FHIT: variants seen among roughly 807,000 people sequenced by gnomAD.
FHIT encodes bis(5'-adenosyl)-triphosphatase.
FHIT carries 19 observed loss-of-function variants against 17.9 expected under a neutral mutation model. The ratio of observed to expected loss-of-function variants is 1.06; its 90% CI spans 0.74 to 1.56. The LOEUF is 1.56. Ranked by LOEUF, FHIT falls within the 40% of genes most tolerant of loss-of-function variation. The pLI is 0.00. For synonymous variants in FHIT, 81 were observed against 69.7 expected, an observed-to-expected ratio of 1.16 and a Z score of -0.81; for missense variants, 248 against 189.2, an observed-to-expected ratio of 1.31 and a Z score of -1.82.
intron 8 of FHIT, among the ~76,000 whole-genome samples, chr3:59,779,052 T>C (rs982471025): frequency 2.0e-5 from 3 of 152,202 alleles, no homozygotes; most frequent in Non-Finnish European, 4.4e-5. Flanking sequence ...TGGGCACTAC[T>C]GATTACTTGT....
intron 4 of FHIT, among the ~76,000 whole-genome samples, chr3:60,629,988 C>T (rs1278272961): frequency 1.3e-5 from 2 of 152,174 alleles, no homozygotes; most frequent in Admixed American, 1.3e-4. Flanking sequence ...GACCTTGCTC[C>T]TGTTCCTTTG....
intron 5 of FHIT, among the ~76,000 whole-genome samples, chr3:60,421,260 G>C (rs1702455080): frequency 6.6e-6 from 1 of 151,956 alleles, no homozygotes; most frequent in African/African-American, 2.4e-5. Flanking sequence ...TGCCAGGTTT[G>C]GTCTGGTTTC....
chr3:60,220,992 T>C (rs1703934517), intron 5 of FHIT, among the ~76,000 whole-genome samples: 1 of 152,150 alleles, frequency 6.6e-6, no homozygotes, highest in South Asian at 2.1e-4. Flanking sequence ...TCCTGGCGGC[T>C]ATTAAAAGGG....
At chr3:60,573,569 G>C (rs959008480) in intron 4 of FHIT, among the ~76,000 whole-genome samples, 2 of 152,076 alleles carry the variant, frequency 1.3e-5, no homozygotes, top group East Asian at 1.9e-4. Flanking sequence ...CCTGAACTGA[G>C]AACGAACCTG....
At chr3:60,553,873 G>T (rs1377317594) in intron 4 of FHIT, among the ~76,000 whole-genome samples, 2 of 151,968 alleles carry the variant, frequency 1.3e-5, no homozygotes, top group Admixed American at 1.3e-4. Context: ...ATCACTTGAG[G>T]TCAGGAGTTT....
chr3:61,053,305 A>G (rs2034094934), intron 2 of FHIT, among the ~76,000 whole-genome samples: 1 of 152,204 alleles, frequency 6.6e-6, no homozygotes, highest in South Asian at 2.1e-4. Flanking sequence ...CATAAAAAAA[A>G]TGTCCTGGAA....
chr3:60,886,568 A>C (rs1553759328), intron 3 of FHIT, among the ~76,000 whole-genome samples: 1 of 152,198 alleles, frequency 6.6e-6, no homozygotes, highest in African/African-American at 2.4e-5. Context: ...TATGGAAAAA[A>C]TAGAGGGGCA....
intron 8 of FHIT, among the ~76,000 whole-genome samples, chr3:59,769,182 A>G (rs1403355324): frequency 6.6e-6 from 1 of 152,216 alleles, no homozygotes; most frequent in Non-Finnish European, 1.5e-5. Context: ...AAGATCAACA[A>G]GGAAGCTGAC....
chr3:60,093,748 G>T (rs1322144152), intron 5 of FHIT, among the ~76,000 whole-genome samples: 1 of 152,126 alleles, frequency 6.6e-6, no homozygotes, highest in African/African-American at 2.4e-5. Context: ...CTCCTTATGA[G>T]AATTTAATGC....
At chr3:60,031,399 G>T (rs1700994717) in intron 5 of FHIT, among the ~76,000 whole-genome samples, 1 of 152,208 alleles carries the variant, frequency 6.6e-6, no homozygotes, top group African/African-American at 2.4e-5. Context: ...GTCATTCTAG[G>T]AAGGAGGAAA....
At chr3:61,100,422 G>A (rs985106657) in intron 2 of FHIT, among the ~76,000 whole-genome samples, 2 of 152,148 alleles carry the variant, frequency 1.3e-5, no homozygotes, top group Non-Finnish European at 2.9e-5. Context: ...AGTATTCCAT[G>A]GTGTATATGT....
intron 4 of FHIT, among the ~76,000 whole-genome samples, chr3:60,761,121 T>TA (rs534467909): frequency 1.3e-5 from 2 of 152,154 alleles, no homozygotes; most frequent in Non-Finnish European, 2.9e-5. Flanking sequence ...CATTAAAATT[T>TA]AAAATGTCCT....
intron 5 of FHIT, among the ~76,000 whole-genome samples, chr3:60,346,615 A>T (rs1710794629): frequency 6.6e-6 from 1 of 152,158 alleles, no homozygotes; most frequent in African/African-American, 2.4e-5. Flanking sequence ...CGCCAAATAA[A>T]TTCCATTCCC....
chr3:60,434,545 T>G (rs1251656987), intron 5 of FHIT, among the ~76,000 whole-genome samples: 1 of 152,016 alleles, frequency 6.6e-6, no homozygotes, highest in East Asian at 1.9e-4. Context: ...ACCTCTGGAG[T>G]AATGTCACAT....
chr3:60,497,880 A>T (rs11708700), intron 5 of FHIT, among the ~76,000 whole-genome samples: 85,146 of 152,042 alleles, frequency 0.56, 24,411 homozygotes, highest in East Asian at 0.71. Flanking sequence ...TCCTACAAAC[A>T]ACTTTGAGAT....
chr3:61,081,249 A>G (rs1303048771), intron 2 of FHIT, among the ~76,000 whole-genome samples: 11 of 152,148 alleles, frequency 7.2e-5, no homozygotes, highest in Admixed American at 7.2e-4. Context: ...GGAAAAAACA[A>G]GAAGGGACAT....
chr3:60,041,133 T>C (rs1230977063), intron 5 of FHIT, among the ~76,000 whole-genome samples: 1 of 152,160 alleles, frequency 6.6e-6, no homozygotes, highest in African/African-American at 2.4e-5. Context: ...TATTTTTACA[T>C]CTCCCACCTC....
intron 5 of FHIT, among the ~76,000 whole-genome samples, chr3:60,508,380 T>G (rs2107537864): frequency 6.6e-6 from 1 of 152,138 alleles, no homozygotes; most frequent in South Asian, 2.1e-4. Context: ...ATCAATTAGG[T>G]TTGACTACTT....
At chr3:60,416,169 A>C (rs1236450819) in intron 5 of FHIT, among the ~76,000 whole-genome samples, 1 of 152,022 alleles carries the variant, frequency 6.6e-6, no homozygotes, top group East Asian at 1.9e-4. Context: ...TTAAATAAAT[A>C]AATCAGCAAA....
Sources: allele counts gnomAD v4.1 joint callset (sites outside exome capture counted in the v4.1 genomes callset), GRCh38; gene constraint gnomAD v4.1.1; transcripts MANE v1.5; gene names NCBI Gene and HGNC (gene_info 2026-07-23, HGNC 2026-07-21).